The following JUP variants were observed in gnomAD, a reference collection of about 807,000 sequenced individuals.
JUP encodes the protein junction plakoglobin, also known as catenin (cadherin-associated protein), gamma 80kDa.
A neutral mutation model predicts 71.1 loss-of-function variants in JUP; 28 were observed. The ratio of observed to expected loss-of-function variants is 0.39; its 90% CI spans 0.29 to 0.54. The LOEUF (loss-of-function observed/expected upper bound fraction) is 0.54. Among genes scored for constraint, JUP ranks in the 20% least tolerant of loss-of-function variants. The pLI is 0.62. For missense variants in JUP, 869 were observed against 1,030.1 expected (o/e 0.84, Z 2.14); for synonymous variants, 401 against 438.9 (o/e 0.91, Z 1.08).
In JUP at chr17:41,767,593, G is replaced by GC; in HGVS notation, c.708-14dup. The GC allele has an allele frequency of 5.9e-5, 75 of 1,267,196 alleles. No individual in the cohort carries two copies. The highest frequency in any genetic ancestry group is 7.4e-5 in the Non-Finnish European group (65 of 872,806). The allele number at this position is 1,267,196 out of a possible 1,614,324, so 78.5% of individuals were successfully genotyped here. On this transcript the variant is annotated splice_polypyrimidine_tract_variant and intron_variant, in intron 4 of 13. Coordinates refer to ENST00000393931, the MANE Select transcript of JUP (RefSeq NM_002230.4). ...CTCCACAGGGGAGCTGGGGGGGTGG[G>GC]CAGGGGTTAGTACGCTGAGGTCCCA...
chr17:41,775,451 C>T (rs553504348), intron 1 of JUP, among the ~76,000 whole-genome samples: 4 of 152,232 alleles, frequency 2.6e-5, no homozygotes, highest in Non-Finnish European at 4.4e-5. Flanking sequence ...TCACAAGAAA[C>T]AAAAGTGCTG....
Position 41,755,170 on chromosome 17 carries a change from C to T in JUP, c.*574G>A, listed in dbSNP as rs782056125. The T allele has an allele frequency of 2.5e-6, 1 of 397,940 alleles. No individual in the cohort carries two copies. Among genetic ancestry groups the T allele is most frequent in the Non-Finnish European group, 4.4e-6 (1 of 226,234 alleles). The allele number at this position is 397,940 out of a possible 1,614,324, so 24.7% of individuals were successfully genotyped here. ...CAGGGAGGCTGGAGGTTTGGAGGGG[C>T]GTTGCTGGGGGAAAACAGAATGGGT... On this transcript the variant is annotated 3_prime_UTR_variant, in exon 14 of 14. Coordinates refer to ENST00000393931, the MANE Select transcript of JUP (RefSeq NM_002230.4).
At chr17:41,769,698 G>A (rs1180473937) in intron 2 of JUP, 21 bp from the exon 3 acceptor site, 13 of 1,604,818 alleles carry the variant, frequency 8.1e-6, no homozygotes, top group Non-Finnish European at 1.1e-5. Context: ...TGGGGACAGG[G>A]ACTGAGTGCA....
At chr17:41,770,913 TG>T (rs1916548898) in intron 2 of JUP, among the ~76,000 whole-genome samples, 1 of 152,198 alleles carries the variant, frequency 6.6e-6, no homozygotes, top group Non-Finnish European at 1.5e-5. Flanking sequence ...TGGGGGTTCC[TG>T]GGGGCTACGG....
Position 41,758,702 on chromosome 17 carries a change from C to G in JUP, c.1653+13G>C, listed in dbSNP as rs1555599665. The G allele has an allele frequency of 6.3e-7, 1 of 1,598,508 alleles. No homozygotes were observed. The highest frequency in any genetic ancestry group is 8.5e-7 in the Non-Finnish European group (1 of 1,173,072). ...CCCAGGAAGGCTGTCAGAGGCACCA[C>G]CAGCTCACATACCGTGTAGGGCTGC... On this transcript the variant is annotated intron_variant, in intron 9 of 13. Transcript: ENST00000393931.
rs782069599 is a variant in JUP at position 41,755,752 on chromosome 17, G to A, written c.2230C>T (p.Leu744=). ...TACTGGGGCCAGGCCGCCTAGGCCA[G>A]CATGTGGTCTGCAGTGGGGTACGGG... ...RPPYPTADHM[L]A Residue 744 remains leucine (L), a synonymous_variant, in exon 14 of 14, where the codon CTG becomes TTG. Coordinates refer to ENST00000393931, the MANE Select transcript of JUP (RefSeq NM_002230.4). 9.4e-6 allele frequency: 15 copies of A among 1,590,496 alleles called. No homozygotes were observed. The African/African-American group carries it at 2.0e-4, about 21-fold the overall frequency.
In JUP at chr17:41,757,480, G is replaced by A. The variant is rs781854644; in HGVS notation, c.1981C>T (p.Arg661Trp). The A allele has an allele frequency of 2.3e-5, 37 of 1,614,066 alleles. No individual in the cohort carries two copies. Among genetic ancestry groups the A allele is most frequent in the Admixed American group, 1.7e-4 (10 of 59,994 alleles). ...GTGAGCTCCACGGACACGCGCTTCC[G>A]GTAGTCTGGGTTCTTGTCCTCGGAG... Reference protein sequence around the residue: ...RISEDKNPDYRKRVSVELTNS... With the variant: ...RISEDKNPDYWKRVSVELTNS... The change falls in exon 12 of 14, where the codon CGG becomes TGG. Residue 661 changes from arginine (R) to tryptophan (W), a missense_variant. Coordinates refer to ENST00000393931, the MANE Select transcript of JUP (RefSeq NM_002230.4).
In JUP at chr17:41,756,138, G is replaced by C. The variant is rs368465276; in HGVS notation, c.2086+37C>G. 1.3e-5 allele frequency: 21 copies of C among 1,605,222 alleles called. No homozygotes were observed. In the African/African-American group the frequency reaches 2.4e-4, roughly 18 times the overall value. ...CACACACACCCACACAGCCGCCCAG[G>C]ATCTCCAGGGTCCTGAAGAGCCCGG... On this transcript the variant is annotated intron_variant, in intron 13 of 13. Coordinates refer to ENST00000393931, the MANE Select transcript of JUP (RefSeq NM_002230.4).
intron 3 of JUP, 78 bp from the exon 4 acceptor site, chr17:41,769,285 C>T (rs1250974145): frequency 6.4e-7 from 1 of 1,554,162 alleles, no homozygotes; most frequent in African/African-American, 1.4e-5. Flanking sequence ...TGAGGAGGGC[C>T]CCAGTCAGAC....
At chr17:41,762,606 G>A (rs1278732433) in intron 8 of JUP, among the ~76,000 whole-genome samples, 1 of 151,902 alleles carries the variant, frequency 6.6e-6, no homozygotes, top group Non-Finnish European at 1.5e-5. Flanking sequence ...TTGCTATGTT[G>A]TCCAGGCTGG....
At chr17:41,784,906 AG>A (rs1442192450) in intron 1 of JUP, 1 of 152,114 alleles carries the variant, frequency 6.6e-6, no homozygotes, top group Admixed American at 6.6e-5. Flanking sequence ...TCCTGCAAAA[AG>A]ACCACATTTC....
intron 2 of JUP, among the ~76,000 whole-genome samples, chr17:41,770,877 C>T (rs1210176921): frequency 2.6e-5 from 4 of 152,238 alleles, no homozygotes; most frequent in Admixed American, 2.0e-4. Context: ...TTGACACCTA[C>T]ACCCCTCTAC....
chr17:41,772,720 C>G lies in JUP; in HGVS notation c.-8-858G>C, dbSNP rs944883245. 1.5e-5 allele frequency: 12 copies of G among 815,104 alleles called. No individual in the cohort carries two copies. The African/African-American group carries it at 2.2e-4, about 15-fold the overall frequency. 50.5% of individuals were successfully genotyped at this position (815,104 alleles called of 1,614,324 possible). A position where few individuals can be genotyped will look rare whatever the true frequency, so the allele number is the denominator to read the frequency against. On this transcript the variant is annotated intron_variant, in intron 1 of 13. Coordinates refer to ENST00000393931, the MANE Select transcript of JUP (RefSeq NM_002230.4). The stretch of plus-strand genomic sequence containing the variant: ...CAGAAGTGCTTCCTCACCTCCTGGT[C>G]TCCTCGAGCCCAGGCTAGGGATCTG...
rs782529328 is a variant in JUP, at chr17:41,771,694, G to T, written c.161C>A (p.Thr54Lys). ...EEDEACGRQY[T>K]LKKTTTYTQG... ...GGTGTAAGTGGTGGTTTTCTTGAGC[G>T]TGTACTGGCGCCCGCAGGCCTCATC... The change falls in exon 2 of 14, where the codon ACG becomes AAG. Residue 54 changes from threonine to lysine, a missense_variant. Physicochemically the swap from Thr to Lys is moderately conservative, Grantham distance 78 (BLOSUM62 -1). Transcript: ENST00000393931. 6.2e-7 allele frequency: 1 copy of T among 1,614,100 alleles called. No individual in the cohort carries two copies. The highest frequency in any genetic ancestry group is 8.5e-7 in the Non-Finnish European group (1 of 1,180,028).
chr17:41,757,074 A>G (rs556079505), intron 12 of JUP, among the ~76,000 whole-genome samples: 24 of 152,284 alleles, frequency 1.6e-4, no homozygotes, highest in Admixed American at 3.3e-4. Flanking sequence ...CTGCCGGACT[A>G]GAGCAGCTCA....
chr17:41,757,046 C>T (rs1913930300), intron 12 of JUP, among the ~76,000 whole-genome samples: 1 of 152,118 alleles, frequency 6.6e-6, no homozygotes. Flanking sequence ...GGGTTCCCCA[C>T]TCATGAAGCA....
chr17:41,757,839 C>T (rs1406284618), intron 10 of JUP, 55 bp from the exon 11 acceptor site: 4 of 1,475,188 alleles, frequency 2.7e-6, no homozygotes, highest in South Asian at 2.5e-5. Context: ...TGAGGCAGGC[C>T]GGACAACACA....
chr17:41,785,163 A>C (rs1555611444), intron 1 of JUP: 1 of 152,098 alleles, frequency 6.6e-6, no homozygotes, highest in Non-Finnish European at 1.5e-5. Context: ...ATGCACCTTC[A>C]CAATTCAGAA....
chr17:41,757,294 G>T (rs1342634548), intron 12 of JUP, 121 bp downstream of exon 12: 14 of 1,117,158 alleles, frequency 1.3e-5, no homozygotes, highest in Non-Finnish European at 1.9e-5. Flanking sequence ...TGTTATAAAT[G>T]ATCCAATTAC....
Sources: gnomAD v4.1 joint callset for allele counts (sites outside exome capture counted in the v4.1 genomes callset) on GRCh38, gnomAD v4.1.1 for gene constraint, MANE v1.5 for transcripts, NCBI Gene and HGNC (gene_info 2026-07-23, HGNC 2026-07-21) for gene names.